Variants in RUFY3 observed in about 807,000 individuals in gnomAD.
RUFY3 encodes the protein protein RUFY3.
In RUFY3, 34 loss-of-function variants were observed where a neutral mutation model predicts 84.0. The observed-to-expected ratio is 0.40, with a 90% CI of 0.31 to 0.54. The LOEUF (loss-of-function observed/expected upper bound fraction) is 0.54. Ranked by LOEUF, RUFY3 falls within the 20% of genes least tolerant of loss-of-function variation. The pLI, the probability that RUFY3 is intolerant of heterozygous loss-of-function variation, is 0.39. For missense variants in RUFY3, 507 were observed against 736.8 expected (o/e 0.69, Z 3.61); for synonymous variants, 242 against 252.9 (o/e 0.96, Z 0.41).
At chr4:70,719,567 A>T (rs149165258), upstream of RUFY3, among the ~76,000 whole-genome samples, 2,320 of 152,336 alleles carry the variant, frequency 0.015, 31 homozygotes, top group Non-Finnish European at 0.024. Flanking sequence ...GAGTTTTGAT[A>T]TCACACATAC....
intron 7 of RUFY3, among the ~76,000 whole-genome samples, chr4:70,777,264 T>A (rs1390549987): frequency 6.6e-6 from 1 of 152,226 alleles, no homozygotes; most frequent in African/African-American, 2.4e-5. Context: ...AGAGGACTAC[T>A]GTATTTTCAG....
chr4:70,761,359 A>G (rs1180598305), intron 1 of RUFY3, among the ~76,000 whole-genome samples: 2 of 152,212 alleles, frequency 1.3e-5, no homozygotes, highest in Non-Finnish European at 1.5e-5. Flanking sequence ...ATAATCATGT[A>G]AAAGAATGGT....
intron 14 of RUFY3, among the ~76,000 whole-genome samples, chr4:70,795,702 GTGA>G (rs1731417409): frequency 1.3e-5 from 2 of 152,186 alleles, no homozygotes; most frequent in Admixed American, 1.3e-4. Flanking sequence ...ACTTTAGTAA[GTGA>G]TGATACTAGT....
intron 1 of RUFY3, among the ~76,000 whole-genome samples, chr4:70,760,527 A>C (rs1724838971): frequency 6.6e-6 from 1 of 151,720 alleles, no homozygotes; most frequent in East Asian, 1.9e-4. Context: ...AGCCCTCTAC[A>C]CATATTCATA....
intron 1 of RUFY3, among the ~76,000 whole-genome samples, chr4:70,747,540 C>T (rs1289760573): frequency 1.3e-5 from 2 of 151,700 alleles, no homozygotes; most frequent in East Asian, 3.9e-4. Flanking sequence ...TGTTTTGGCT[C>T]TGTTTCCAGC....
At chr4:70,772,064 CT>C (rs896329771) in intron 5 of RUFY3, among the ~76,000 whole-genome samples, 9 of 146,682 alleles carry the variant, frequency 6.1e-5, no homozygotes, top group East Asian at 2.0e-4. Context: ...GGAGGAAAAC[CT>C]TTTTTTTTTC....
chr4:70,757,726 C>T (rs1301791872), intron 1 of RUFY3, among the ~76,000 whole-genome samples: 2 of 152,170 alleles, frequency 1.3e-5, no homozygotes, highest in African/African-American at 4.8e-5. Context: ...TATTTGTTCT[C>T]TATAAGTTTG....
At chr4:70,792,829 G>A in intron 12 of RUFY3, 2 of 985,408 alleles carry the variant, frequency 2.0e-6, no homozygotes, top group Non-Finnish European at 2.4e-6. Flanking sequence ...GGAAGTGGAA[G>A]ATCCTGTGCT....
At chr4:70,790,477 C>T (rs746929428) in intron 12 of RUFY3, among the ~76,000 whole-genome samples, 30 of 152,190 alleles carry the variant, frequency 2.0e-4, no homozygotes, top group Non-Finnish European at 3.8e-4. Context: ...TAGAAATGTC[C>T]TAATTCTTCC....
intron 8 of RUFY3, among the ~76,000 whole-genome samples, chr4:70,779,204 A>G (rs1309997959): frequency 2.6e-5 from 4 of 152,230 alleles, no homozygotes; most frequent in Non-Finnish European, 4.4e-5. Context: ...GATAAGGTGA[A>G]GAGTACTGGT....
intron 9 of RUFY3, among the ~76,000 whole-genome samples, chr4:70,783,781 A>G (rs1729321038): frequency 1.3e-5 from 2 of 152,208 alleles, no homozygotes; most frequent in African/African-American, 4.8e-5. Flanking sequence ...TTAGGAGGCT[A>G]TTGAAATTGA....
At chr4:70,752,999 G>A (rs1723380816) in intron 1 of RUFY3, among the ~76,000 whole-genome samples, 1 of 152,162 alleles carries the variant, frequency 6.6e-6, no homozygotes, top group Non-Finnish European at 1.5e-5. Context: ...ATGACTGGTA[G>A]ATTTTAACAA....
In RUFY3 at chr4:70,722,395, A is replaced by G. The variant is rs992351207; in HGVS notation, c.-179A>G. The G allele has an allele frequency of 3.4e-5, 46 of 1,340,974 alleles. No individual in the cohort carries two copies. The highest frequency in any genetic ancestry group is 4.4e-5 in the Non-Finnish European group (46 of 1,046,732). The allele number at this position is 1,340,974 out of a possible 1,614,324, so 83.1% of individuals were successfully genotyped here. ...TGTTTATCTTGAGCAGTTTGTTCTTAACCTATAAGGTATTTTTCCTTTTTT... is the reference window on the plus strand; with the variant it reads ...TGTTTATCTTGAGCAGTTTGTTCTTGACCTATAAGGTATTTTTCCTTTTTT... On this transcript the variant is annotated 5_prime_UTR_variant, in exon 1 of 18. Transcript: ENST00000381006.
At position 70,729,320 on chromosome 4, in the gene RUFY3, G is replaced by A. The variant is rs1402116686; in HGVS notation, c.178+6569G>A. ...CACCTGGACTGGAGTGCAATGGCAC[G>A]ATCTCAGCTCACTGCAACCTCCACC... is the stretch of plus-strand genomic sequence containing the variant. On this transcript the variant is annotated intron_variant, in intron 1 of 17. Coordinates refer to ENST00000381006, the MANE Select transcript of RUFY3 (RefSeq NM_001037442.4). Among the ~76,000 whole-genome samples the A allele has an allele frequency of 2.6e-5, 4 of 151,918 alleles. No individual in the cohort carries two copies. The East Asian group carries it at 7.7e-4, about 29-fold the overall frequency.
chr4:70,793,887 G>A lies in RUFY3; in HGVS notation c.1440G>A (p.Glu480=). 1.2e-6 allele frequency: 2 copies of A among 1,614,004 alleles called. No homozygotes were observed. The change falls in exon 13 of 18, where the codon GAG becomes GAA. Residue 480 remains glutamate, a synonymous_variant. Coordinates refer to ENST00000381006, the MANE Select transcript of RUFY3 (RefSeq NM_001037442.4). ...TCAACAGTCTGCAGCTGGAAGTCGA[G>A]GAGCTCACCAGGCAGCGGTGAAGAG... is the stretch of plus-strand genomic sequence containing the variant. ...DKINSLQLEV[E]ELTRQRNQLE...
intron 11 of RUFY3, among the ~76,000 whole-genome samples, chr4:70,789,217 G>A (rs1730415238): frequency 6.6e-6 from 1 of 151,986 alleles, no homozygotes; most frequent in Non-Finnish European, 1.5e-5. Flanking sequence ...TATCCTATAG[G>A]GTAATTTCTA....
At chr4:70,792,206 G>C (rs1730939655) in intron 12 of RUFY3, 1 of 985,374 alleles carries the variant, frequency 1.0e-6, no homozygotes, top group African/African-American at 1.7e-5. Context: ...GTATAGACAT[G>C]AATGATGATA....
In RUFY3 at chr4:70,806,518, T is replaced by C. The variant is rs138719636; in HGVS notation, c.1722T>C (p.Asn574=). Residue 574 remains asparagine (N), a splice_region_variant and synonymous_variant, in exon 18 of 18, where the codon AAT becomes AAC. Coordinates refer to ENST00000381006, the MANE Select transcript of RUFY3 (RefSeq NM_001037442.4). ...CGCCTAACCTCCTCTTCTCATAGAA[T>C]GTGTGTAAGAACTGCAGCGGAACCT... ...LCQEDGSLTK[N]VCKNCSGTFC... 6.8e-6 allele frequency: 11 copies of C among 1,614,004 alleles called. No homozygotes were observed. In the African/African-American group the frequency reaches 1.3e-4, roughly 20 times the overall value.
chr4:70,763,140 A>G (rs1725308779), intron 2 of RUFY3, among the ~76,000 whole-genome samples: 1 of 151,946 alleles, frequency 6.6e-6, no homozygotes, highest in South Asian at 2.1e-4. Context: ...TGCCTTCTCA[A>G]TATTCTTTTC....
Sources: allele counts gnomAD v4.1 joint callset (sites outside exome capture counted in the v4.1 genomes callset), GRCh38; gene constraint gnomAD v4.1.1; transcripts MANE v1.5; gene names NCBI Gene and HGNC (gene_info 2026-07-23, HGNC 2026-07-21).